The following ABTB3 variants were observed in gnomAD, a reference collection of about 807,000 sequenced individuals.
ABTB3 encodes ankyrin repeat- and BTB/POZ domain-containing protein 3.
chr12:107,577,007 G>A, the ABTB3 span, among the ~76,000 whole-genome samples: 14 of 152,238 alleles, frequency 9.2e-5, no homozygotes, highest in South Asian at 6.2e-4. Flanking sequence ...CAATAGAATC[G>A]AAGAATATTA....
the ABTB3 span, among the ~76,000 whole-genome samples, chr12:107,518,411 C>G: frequency 1.3e-5 from 2 of 151,880 alleles, no homozygotes; most frequent in Non-Finnish European, 2.9e-5. Context: ...CACATATATA[C>G]ACTATGCAGC....
At chr12:107,447,033 G>T in the ABTB3 span, among the ~76,000 whole-genome samples, 2 of 152,178 alleles carry the variant, frequency 1.3e-5, no homozygotes, top group African/African-American at 4.8e-5. Flanking sequence ...AATTAACCAG[G>T]ACACTTTTCC....
chr12:107,620,313 A>T, the ABTB3 span: 8 of 1,060,596 alleles, frequency 7.5e-6, no homozygotes, highest in Non-Finnish European at 9.4e-6. Context: ...AGCAGACGAA[A>T]GCTACCTGTG....
the ABTB3 span, among the ~76,000 whole-genome samples, chr12:107,626,079 T>C: frequency 3.9e-5 from 6 of 152,132 alleles, no homozygotes; most frequent in African/African-American, 1.4e-4. Flanking sequence ...GCTTCTTCAA[T>C]GTCAAGTATG....
At chr12:107,398,924 C>A in the ABTB3 span, among the ~76,000 whole-genome samples, 1 of 152,118 alleles carries the variant, frequency 6.6e-6, no homozygotes, top group African/African-American at 2.4e-5. Context: ...TCTGTATGAT[C>A]CTAGACAAGC....
chr12:107,622,468 G>A, the ABTB3 span, among the ~76,000 whole-genome samples: 1 of 151,714 alleles, frequency 6.6e-6, no homozygotes, highest in South Asian at 2.1e-4. Context: ...TCAAATGTTT[G>A]TCCAAACAAG....
At chr12:107,433,221 C>T in the ABTB3 span, among the ~76,000 whole-genome samples, 41 of 131,526 alleles carry the variant, frequency 3.1e-4, no homozygotes, top group African/African-American at 1.1e-3. Context: ...ACCCGGGAAG[C>T]GGAGCTTGCA....
At chr12:107,569,277 A>C in the ABTB3 span, among the ~76,000 whole-genome samples, 1 of 152,202 alleles carries the variant, frequency 6.6e-6, no homozygotes, top group African/African-American at 2.4e-5. Flanking sequence ...TTGGTGTTTT[A>C]GAATTGATCT....
the ABTB3 span, among the ~76,000 whole-genome samples, chr12:107,442,021 C>T: frequency 6.6e-6 from 1 of 152,166 alleles, no homozygotes; most frequent in African/African-American, 2.4e-5. Flanking sequence ...ATTCTGATTT[C>T]ATTCCCAGAG....
At chr12:107,619,426 C>G in the ABTB3 span, among the ~76,000 whole-genome samples, 1 of 152,162 alleles carries the variant, frequency 6.6e-6, no homozygotes, top group Non-Finnish European at 1.5e-5. Context: ...CCTCCCATGT[C>G]TTCTTATTCG....
At chr12:107,559,955 C>T in the ABTB3 span, among the ~76,000 whole-genome samples, 1 of 151,566 alleles carries the variant, frequency 6.6e-6, no homozygotes, top group Admixed American at 6.6e-5. Context: ...ATTCTGCTAC[C>T]CTGAGGTAGC....
the ABTB3 span, among the ~76,000 whole-genome samples, chr12:107,615,864 A>G: frequency 6.6e-6 from 1 of 152,160 alleles, no homozygotes; most frequent in Non-Finnish European, 1.5e-5. Context: ...ATCAGCATCC[A>G]AGTTCATGAC....
chr12:107,374,624 C>A, the ABTB3 span: 1 of 152,110 alleles, frequency 6.6e-6, no homozygotes, highest in Non-Finnish European at 1.5e-5. Flanking sequence ...TAAAGTGAAC[C>A]CCAGGGGAGC....
At chr12:107,632,168 C>T in the ABTB3 span, among the ~76,000 whole-genome samples, 1 of 152,222 alleles carries the variant, frequency 6.6e-6, no homozygotes, top group African/African-American at 2.4e-5. Flanking sequence ...TTTCACACTG[C>T]AGGACACCTC....
chr12:107,454,868 T>C, the ABTB3 span, among the ~76,000 whole-genome samples: 1 of 152,226 alleles, frequency 6.6e-6, no homozygotes, highest in African/African-American at 2.4e-5. Flanking sequence ...TGGTGCTAAT[T>C]ACTCAGTCTT....
the ABTB3 span, among the ~76,000 whole-genome samples, chr12:107,517,641 G>T: frequency 2.0e-5 from 3 of 152,136 alleles, no homozygotes; most frequent in Non-Finnish European, 4.4e-5. Context: ...TTGTGAATGG[G>T]AGTTCACTCA....
the ABTB3 span, chr12:107,580,950 G>C: frequency 1.3e-6 from 2 of 1,551,660 alleles, no homozygotes; most frequent in African/African-American, 2.7e-5. Context: ...CCTGCCCCGG[G>C]GTCACCGGTG....
At chr12:107,580,986 C>A in the ABTB3 span, 3 of 1,551,948 alleles carry the variant, frequency 1.9e-6, no homozygotes, top group Non-Finnish European at 2.6e-6. Context: ...CAAAGGCTCT[C>A]CCACTACTCT....
chr12:107,538,103 A>G, the ABTB3 span, among the ~76,000 whole-genome samples: 199 of 151,710 alleles, frequency 1.3e-3, 2 homozygotes, highest in African/African-American at 4.6e-3. Flanking sequence ...AACAGATGCC[A>G]GTGGAAGGGG....
Sources: gnomAD v4.1 joint callset for allele counts (sites outside exome capture counted in the v4.1 genomes callset) on GRCh38, gnomAD v4.1.1 for gene constraint, MANE v1.5 for transcripts, NCBI Gene and HGNC (gene_info 2026-07-23, HGNC 2026-07-21) for gene names.